ITSN2: variants seen among roughly 807,000 people sequenced by gnomAD.
ITSN2 encodes the protein intersectin-2.
Under a neutral mutation model 243.7 loss-of-function variants are expected in ITSN2, and 156 were observed. The observed-to-expected ratio is 0.64, with a 90% CI of 0.56 to 0.73. The LOEUF (loss-of-function observed/expected upper bound fraction) is 0.73, where lower values mean the gene tolerates loss of function less well. Among genes scored for constraint, ITSN2 ranks in the 30% least tolerant of loss-of-function variants. The pLI is 0.00. For missense variants in ITSN2, 1,801 were observed against 1,996.1 expected (o/e 0.90, Z 1.86); for synonymous variants, 703 against 699.9 (o/e 1.00, Z -0.07).
chr2:24,220,673 G>A (rs1670357541), intron 30 of ITSN2: 1 of 1,275,186 alleles, frequency 7.8e-7, no homozygotes, highest in Non-Finnish European at 9.9e-7. Flanking sequence ...ATCCAACGAA[G>A]CCATGCGAAT....
chr2:24,349,292 A>C (rs572334727), intron 1 of ITSN2, among the ~76,000 whole-genome samples: 14 of 152,156 alleles, frequency 9.2e-5, no homozygotes, highest in Non-Finnish European at 1.5e-4. Context: ...TTCACTCACA[A>C]CACCACCTAA....
chr2:24,213,886 T>C (rs914600292), intron 32 of ITSN2, among the ~76,000 whole-genome samples: 6 of 152,346 alleles, frequency 3.9e-5, no homozygotes, highest in East Asian at 1.9e-4. Context: ...CTGCCTTATA[T>C]TGAATCATTT....
At chr2:24,345,417 A>G (rs1360748821) in intron 1 of ITSN2, among the ~76,000 whole-genome samples, 1 of 152,200 alleles carries the variant, frequency 6.6e-6, no homozygotes, top group Non-Finnish European at 1.5e-5. Flanking sequence ...ACATTCTCAC[A>G]GCCTATTTTT....
At chr2:24,328,224 C>A in intron 1 of ITSN2, 109 bp from the exon 2 acceptor site, 1 of 709,382 alleles carries the variant, frequency 1.4e-6, no homozygotes, top group Non-Finnish European at 2.4e-6. Context: ...ACACTTCCAA[C>A]AGAAAACAAT....
chr2:24,306,768 T>C (rs1682594660), intron 8 of ITSN2, among the ~76,000 whole-genome samples: 1 of 152,116 alleles, frequency 6.6e-6, no homozygotes, highest in African/African-American at 2.4e-5. Flanking sequence ...CCCAAGTAGT[T>C]GGGACTATAG....
intron 2 of ITSN2, among the ~76,000 whole-genome samples, chr2:24,318,138 G>C (rs1684136429): frequency 6.6e-6 from 1 of 151,974 alleles, no homozygotes; most frequent in African/African-American, 2.4e-5. Context: ...AAACTAATCT[G>C]TGTCATGTTT....
chr2:24,221,113 G>A, intron 29 of ITSN2, 47 bp from the exon 30 acceptor site: 1 of 1,564,230 alleles, frequency 6.4e-7, no homozygotes, highest in Non-Finnish European at 8.6e-7. Flanking sequence ...AGTCAACTTT[G>A]TAGAAAATAG....
In ITSN2 at chr2:24,286,293, T is replaced by G. The variant is rs1679495760; in HGVS notation, c.1782A>C (p.Arg594Ser). ...CAAGAGCATCTAACTGTTCTTTAAG[T>G]CTTTGGCATAATTCTTCCTTTTCTA... ...KSLEKEELCQ[R>S]LKEQLDALEK... The change falls in exon 16 of 40, where the codon AGA becomes AGC. Residue 594 changes from arginine to serine, a missense_variant. Arg to Ser is a moderately radical substitution (Grantham distance 110). Around this residue, in one of 5 missense-constraint regions of ITSN2, gnomAD observed 787 missense variants for 803.9 expected, o/e 0.98. Transcript: ENST00000355123. The G allele has an allele frequency of 6.2e-7, 1 of 1,605,738 alleles. No homozygotes were observed. The highest frequency in any genetic ancestry group is 8.5e-7 in the Non-Finnish European group (1 of 1,172,834).
chr2:24,276,956 T>C (rs890317575), intron 17 of ITSN2, among the ~76,000 whole-genome samples: 1 of 152,052 alleles, frequency 6.6e-6, no homozygotes, highest in Admixed American at 6.6e-5. Flanking sequence ...AAAAGAGAAG[T>C]ACAGATTAGA....
intron 37 of ITSN2, among the ~76,000 whole-genome samples, chr2:24,206,426 G>A (rs1370344715): frequency 6.6e-6 from 1 of 152,088 alleles, no homozygotes; most frequent in Non-Finnish European, 1.5e-5. Flanking sequence ...AGATGCAGCT[G>A]GCTCAGAGCA....
chr2:24,305,576 CAAAAAAA>C (rs537945691), intron 8 of ITSN2, among the ~76,000 whole-genome samples: 6 of 40,904 alleles, frequency 1.5e-4, no homozygotes, highest in Middle Eastern at 0.01. Context: ...GACTCTGTCT[CAAAAAAA>C]AAAAAAAAAA....
At chr2:24,219,961 C>T (rs1670292354) in intron 30 of ITSN2, among the ~76,000 whole-genome samples, 1 of 152,242 alleles carries the variant, frequency 6.6e-6, no homozygotes, top group Non-Finnish European at 1.5e-5. Flanking sequence ...ATGAAGGCTG[C>T]ACGGTCCCTG....
At chr2:24,253,618 TAAAG>T (rs1307400687) in intron 24 of ITSN2, among the ~76,000 whole-genome samples, 1 of 152,272 alleles carries the variant, frequency 6.6e-6, no homozygotes, top group Non-Finnish European at 1.5e-5. Context: ...GTTCGCTCAT[TAAAG>T]AATTTATCAC....
chr2:24,335,788 C>A (rs953459851), intron 1 of ITSN2, among the ~76,000 whole-genome samples: 2 of 151,962 alleles, frequency 1.3e-5, no homozygotes, highest in African/African-American at 4.8e-5. Context: ...AAGGTGCCTG[C>A]CACCATGCCC....
rs749166803 is a variant in ITSN2 at position 24,211,011 on chromosome 2, C to T, written c.4090-64G>A. 26 of 1,499,918 alleles carry T rather than the reference C, an allele frequency of 1.7e-5. No individual in the cohort carries two copies. The highest frequency in any genetic ancestry group is 3.5e-5 in the Admixed American group (2 of 57,626). 92.9% of individuals were successfully genotyped at this position (1,499,918 alleles called of 1,614,324 possible). ...TCTCTCACCTGCCCACCTGGACCTTCGCAGGACCGCTCCTCCAACCCCATG... is the reference window on the plus strand; with the variant it reads ...TCTCTCACCTGCCCACCTGGACCTTTGCAGGACCGCTCCTCCAACCCCATG... On this transcript the variant is annotated intron_variant, in intron 33 of 39. Transcript: ENST00000355123. The surrounding 1 kb of genome is among the most constrained non-coding windows in gnomAD (Gnocchi z 4.1).
intron 15 of ITSN2, among the ~76,000 whole-genome samples, chr2:24,286,629 T>A (rs116491471): frequency 0.011 from 1,709 of 152,288 alleles, 41 homozygotes; most frequent in African/African-American, 0.039. Context: ...GCTTCACCAA[T>A]CGAATCCTCA....
At chr2:24,279,225 G>T (rs1430120210) in intron 17 of ITSN2, among the ~76,000 whole-genome samples, 1 of 152,130 alleles carries the variant, frequency 6.6e-6, no homozygotes, top group Non-Finnish European at 1.5e-5. Flanking sequence ...ACCTGCAGGG[G>T]TATTACTAAC....
chr2:24,302,025 G>C lies in ITSN2; in HGVS notation c.935C>G (p.Ala312Gly). ...CAGTGGTAATGGCTGTCCAGCTTTG[G>C]CCATGTCAGTAAGGTGCATTGCAAG... Reference protein sequence around the residue: ...FILAMHLTDMAKAGQPLPLTL... With the variant: ...FILAMHLTDMGKAGQPLPLTL... Residue 312 changes from alanine (A) to glycine (G), a missense_variant, in exon 10 of 40, where the codon GCC becomes GGC. Around this residue, in one of 5 missense-constraint regions of ITSN2, gnomAD observed 787 missense variants for 803.9 expected, o/e 0.98. Coordinates refer to ENST00000355123, the MANE Select transcript of ITSN2 (RefSeq NM_006277.3). 1 of 1,613,310 alleles carries C rather than the reference G, an allele frequency of 6.2e-7. No homozygotes were observed. Among genetic ancestry groups the C allele is most frequent in the Non-Finnish European group, 8.5e-7 (1 of 1,179,554 alleles).
intron 29 of ITSN2, chr2:24,241,642 C>T (rs1672741718): frequency 6.6e-6 from 1 of 152,570 alleles, no homozygotes; most frequent in Non-Finnish European, 1.5e-5. Flanking sequence ...AATGTCAGTA[C>T]TCATAGTGGC....
Sources: gnomAD v4.1 joint callset for allele counts (sites outside exome capture counted in the v4.1 genomes callset) on GRCh38, gnomAD v4.1.1 for gene constraint, gnomAD v4.1.1 regional missense constraint, Gnocchi (gnomAD v3.1) non-coding constraint, MANE v1.5 for transcripts, NCBI Gene and HGNC (gene_info 2026-07-23, HGNC 2026-07-21) for gene names.